The following NRG1 variants were observed in gnomAD, a reference collection of about 807,000 sequenced individuals.
NRG1 encodes neuregulin 1.
Under a neutral mutation model 63.8 loss-of-function variants are expected in NRG1, and 18 were observed. The observed-to-expected ratio is 0.28, with a 90% CI of 0.19 to 0.42. The LOEUF is 0.42. Among genes scored for constraint, NRG1 ranks in the 10% least tolerant of loss-of-function variants. The probability of loss-of-function intolerance (pLI) is 1.00; values close to 1 mark genes in which losing one functional copy is unlikely to be tolerated. For missense variants in NRG1, 762 were observed against 814.7 expected (o/e 0.94, Z 0.79); for synonymous variants, 302 against 301.3 (o/e 1.00, Z -0.02).
At chr8:31,893,607 C>T (rs7357492) in intron 1 of NRG1, among the ~76,000 whole-genome samples, 5 of 151,368 alleles carry the variant, frequency 3.3e-5, no homozygotes, top group African/African-American at 1.2e-4. Context: ...AGACAAAAGC[C>T]ATATATGTAG....
At chr8:32,227,634 G>A (rs1212667304) in intron 1 of NRG1, among the ~76,000 whole-genome samples, 2 of 152,062 alleles carry the variant, frequency 1.3e-5, no homozygotes, top group South Asian at 4.1e-4. Flanking sequence ...AGGCAATACT[G>A]GTCTTACTTT....
chr8:32,435,947 AG>A, intron 1 of NRG1, among the ~76,000 whole-genome samples: 1 of 152,318 alleles, frequency 6.6e-6, no homozygotes, highest in Non-Finnish European at 1.5e-5. Context: ...TTCCTTTCAT[AG>A]GGTATATTCA....
At chr8:31,760,153 G>A (rs375986890) in intron 1 of NRG1, among the ~76,000 whole-genome samples, 3 of 152,012 alleles carry the variant, frequency 2.0e-5, no homozygotes, top group South Asian at 2.1e-4. Context: ...GTAACGCCTA[G>A]GTTTTCTTCT....
intron 1 of NRG1, among the ~76,000 whole-genome samples, chr8:31,691,283 G>T (rs1809472685): frequency 6.6e-6 from 1 of 152,144 alleles, no homozygotes; most frequent in East Asian, 1.9e-4. Flanking sequence ...TCAGTGAATG[G>T]GTAGGAAGCA....
chr8:32,757,409 A>G (rs556407686), intron 9 of NRG1, among the ~76,000 whole-genome samples: 2 of 152,302 alleles, frequency 1.3e-5, no homozygotes, highest in African/African-American at 4.8e-5. Context: ...ATATTGTAGT[A>G]CCATTTTCTA....
At chr8:31,858,818 A>G (rs913996784) in intron 1 of NRG1, among the ~76,000 whole-genome samples, 5 of 152,290 alleles carry the variant, frequency 3.3e-5, no homozygotes, top group Non-Finnish European at 5.9e-5. Flanking sequence ...TGCACAACCA[A>G]CACTTCAGAA....
At chr8:32,158,218 G>T (rs1449520200) in intron 1 of NRG1, among the ~76,000 whole-genome samples, 1 of 151,860 alleles carries the variant, frequency 6.6e-6, no homozygotes, top group Non-Finnish European at 1.5e-5. Flanking sequence ...GAGCTTCTCA[G>T]TGGGTTACCC....
chr8:32,120,801 C>T (rs1192309212), intron 1 of NRG1, among the ~76,000 whole-genome samples: 4 of 152,006 alleles, frequency 2.6e-5, no homozygotes, highest in African/African-American at 9.7e-5. Context: ...CATCTCACAA[C>T]AAAACAATGC....
intron 1 of NRG1, among the ~76,000 whole-genome samples, chr8:31,659,157 G>C (rs1280694079): frequency 6.6e-6 from 1 of 152,184 alleles, no homozygotes; most frequent in Non-Finnish European, 1.5e-5. Context: ...CTTGGTCAGA[G>C]AGATATTTGT....
At chr8:31,931,226 G>T (rs1037842879) in intron 1 of NRG1, among the ~76,000 whole-genome samples, 28 of 152,030 alleles carry the variant, frequency 1.8e-4, no homozygotes, top group African/African-American at 6.5e-4. Context: ...AGTGAGAAGA[G>T]GTGATTGTTT....
intron 1 of NRG1, among the ~76,000 whole-genome samples, chr8:31,868,704 C>A (rs941365659): frequency 6.6e-6 from 1 of 152,222 alleles, no homozygotes; most frequent in African/African-American, 2.4e-5. Context: ...TTTCACCGTG[C>A]ACTGTCTGTT....
intron 5 of NRG1, chr8:32,647,122 C>T (rs1005561672): frequency 2.8e-5 from 28 of 985,374 alleles, no homozygotes; most frequent in Non-Finnish European, 3.1e-5. Context: ...ATCCTGTTTG[C>T]AGTGATGCTC....
At chr8:32,647,661 G>GC in intron 5 of NRG1, 5 of 1,500,176 alleles carry the variant, frequency 3.3e-6, no homozygotes, top group Non-Finnish European at 4.4e-6. Flanking sequence ...GGTTGGGGGG[G>GC]CCTCTGCGTG....
intron 1 of NRG1, among the ~76,000 whole-genome samples, chr8:31,826,553 A>G (rs1824586245): frequency 6.6e-6 from 1 of 152,136 alleles, no homozygotes; most frequent in Admixed American, 6.5e-5. Context: ...TTTCTTTATA[A>G]ATTACCAAGT....
chr8:32,541,507 G>GGA (rs538432214), intron 1 of NRG1, among the ~76,000 whole-genome samples: 1 of 144,098 alleles, frequency 6.9e-6, no homozygotes, highest in Non-Finnish European at 1.5e-5. Flanking sequence ...GAACATACAG[G>GGA]AAAAAAAAAA....
At chr8:31,914,029 A>G (rs1277910372) in intron 1 of NRG1, among the ~76,000 whole-genome samples, 2 of 152,112 alleles carry the variant, frequency 1.3e-5, no homozygotes, top group South Asian at 2.1e-4. Flanking sequence ...TGGGTAAAAC[A>G]TCTCTCATCC....
intron 1 of NRG1, among the ~76,000 whole-genome samples, chr8:32,312,024 T>C (rs35110336): frequency 0.32 from 49,031 of 152,066 alleles, 8,570 homozygotes; most frequent in South Asian, 0.48. Flanking sequence ...GTTGAGGAAC[T>C]GTCCCACGGC....
intron 1 of NRG1, among the ~76,000 whole-genome samples, chr8:32,312,237 C>G (rs1168116572): frequency 1.4e-5 from 2 of 141,020 alleles, no homozygotes; most frequent in African/African-American, 5.2e-5. Flanking sequence ...GATCTCGGCT[C>G]ACTGCATCCT....
intron 1 of NRG1, among the ~76,000 whole-genome samples, chr8:32,407,291 ATAT>A (rs1394671607): frequency 1.1e-4 from 1 of 9,342 alleles, no homozygotes; most frequent in African/African-American, 2.8e-4. Flanking sequence ...ATATATATAT[ATAT>A]TATATATATA....
Sources: allele counts gnomAD v4.1 joint callset (sites outside exome capture counted in the v4.1 genomes callset), GRCh38; gene constraint gnomAD v4.1.1; transcripts MANE v1.5; gene names NCBI Gene and HGNC (gene_info 2026-07-23, HGNC 2026-07-21).